Variants in PDE10A observed in about 807,000 individuals in gnomAD.
The protein encoded by PDE10A is phosphodiesterase 10A.
In PDE10A, 39 loss-of-function variants were observed where a neutral mutation model predicts 97.7. That is an observed-to-expected ratio of 0.40 (90% CI 0.31 to 0.52). PDE10A has a LOEUF of 0.52. Among genes scored for constraint, PDE10A ranks in the 20% least tolerant of loss-of-function variants. The pLI is 0.56. For synonymous variants in PDE10A, 371 were observed against 376.8 expected (o/e 0.98, Z 0.18); for missense variants, 731 against 1,047.8 (o/e 0.70, Z 4.17).
intron 1 of PDE10A, among the ~76,000 whole-genome samples, chr6:165,788,973 G>C (rs1778574507): frequency 6.6e-6 from 1 of 152,128 alleles, no homozygotes; most frequent in Non-Finnish European, 1.5e-5. Context: ...TGGTGGAAAA[G>C]GCAATGATGG....
At position 165,418,851 on chromosome 6, in the gene PDE10A, A is replaced by G; in HGVS notation, c.1654-74T>C. ...ACTTGCAGGTAAACTTTATCATAAA[A>G]TAAGTATTAATTTCAGCTGTCCTAT... On this transcript the variant is annotated intron_variant, in intron 10 of 21. Coordinates refer to ENST00000539869, the MANE Select transcript of PDE10A (RefSeq NM_001385079.1). This position sits in a 1 kb window ranked among gnomAD's most constrained non-coding sequence, Gnocchi z 4.8. The G allele has an allele frequency of 8.1e-7, 1 of 1,240,704 alleles. No individual in the cohort carries two copies. The highest frequency in any genetic ancestry group is 1.3e-5 in the South Asian group (1 of 79,392). 76.9% of individuals were successfully genotyped at this position (1,240,704 alleles called of 1,614,324 possible). A position where few individuals can be genotyped will look rare whatever the true frequency, so the allele number is the denominator to read the frequency against.
chr6:165,784,900 G>A (rs1043305228), intron 1 of PDE10A, among the ~76,000 whole-genome samples: 3 of 152,224 alleles, frequency 2.0e-5, no homozygotes, highest in African/African-American at 7.2e-5. Flanking sequence ...AGACTTTTCA[G>A]TACTGAGAGA....
intron 1 of PDE10A, among the ~76,000 whole-genome samples, chr6:165,733,222 A>G (rs930171297): frequency 6.6e-6 from 1 of 152,214 alleles, no homozygotes; most frequent in African/African-American, 2.4e-5. Flanking sequence ...AGATACAACA[A>G]ATAATCCAAC....
At position 165,336,001 on chromosome 6, in the gene PDE10A, CACA is replaced by C. The variant is rs573385973; in HGVS notation, c.3065+119_3065+121del. 318 of 803,808 alleles carry C rather than the reference CACA, an allele frequency of 4.0e-4. 2 individuals carry two copies. The highest frequency in any genetic ancestry group is 1.7e-3 in the South Asian group (119 of 68,202). 49.8% of individuals were successfully genotyped at this position (803,808 alleles called of 1,614,324 possible). A position where few individuals can be genotyped will look rare whatever the true frequency, so the allele number is the denominator to read the frequency against. On this transcript the variant is annotated intron_variant, in intron 21 of 21. Transcript: ENST00000539869. ...GGTAAGGAGGCCCCGAGTCCCTGAG[CACA>C]ACAACTCGACATCTAGACAAACACA...
chr6:165,643,489 G>A (rs750335801), intron 1 of PDE10A, among the ~76,000 whole-genome samples: 5 of 152,108 alleles, frequency 3.3e-5, no homozygotes, highest in Non-Finnish European at 7.4e-5. Context: ...ACATGCTGGG[G>A]CAATGAGCCA....
intron 2 of PDE10A, among the ~76,000 whole-genome samples, chr6:165,514,010 T>C (rs1017260521): frequency 1.3e-5 from 2 of 152,192 alleles, no homozygotes; most frequent in Non-Finnish European, 2.9e-5. Context: ...ATTGCTCAAG[T>C]TAACAACTGT....
At chr6:165,684,950 G>A (rs558449785) in intron 1 of PDE10A, among the ~76,000 whole-genome samples, 77 of 152,284 alleles carry the variant, frequency 5.1e-4, no homozygotes, top group South Asian at 1.2e-3. Flanking sequence ...CTTCCTTAAA[G>A]TTATATGAAT....
At chr6:165,511,561 T>C (rs905949921) in intron 2 of PDE10A, among the ~76,000 whole-genome samples, 1 of 151,992 alleles carries the variant, frequency 6.6e-6, no homozygotes, top group Non-Finnish European at 1.5e-5. Flanking sequence ...ACACAATGTT[T>C]ATTTGGTGAT....
At chr6:165,856,288 A>G (rs1780729798) in intron 1 of PDE10A, among the ~76,000 whole-genome samples, 1 of 152,192 alleles carries the variant, frequency 6.6e-6, no homozygotes, top group South Asian at 2.1e-4. Flanking sequence ...GCCCTCATCT[A>G]GATAATGCCT....
At chr6:165,455,831 C>T (rs1777921028) in intron 3 of PDE10A, among the ~76,000 whole-genome samples, 1 of 152,126 alleles carries the variant, frequency 6.6e-6, no homozygotes, top group Admixed American at 6.5e-5. Context: ...CTTTTTATTG[C>T]TAAAATGTAA....
chr6:165,815,299 G>A (rs1779379880), intron 1 of PDE10A, among the ~76,000 whole-genome samples: 1 of 152,150 alleles, frequency 6.6e-6, no homozygotes, highest in African/African-American at 2.4e-5. Context: ...TTTTCTTCTT[G>A]AGGGGCAGGC....
intron 1 of PDE10A, chr6:165,894,371 C>T: frequency 2.2e-6 from 1 of 456,118 alleles, no homozygotes; most frequent in Non-Finnish European, 4.4e-6. Flanking sequence ...AAGGCCTCGA[C>T]AGGCCAGAAC....
intron 1 of PDE10A, among the ~76,000 whole-genome samples, chr6:165,804,633 C>G (rs1460771732): frequency 1.3e-5 from 2 of 152,146 alleles, no homozygotes; most frequent in African/African-American, 4.8e-5. Flanking sequence ...GCCCTGGAAA[C>G]CCGGGGGCCT....
chr6:165,794,522 G>A (rs144262085), intron 1 of PDE10A, among the ~76,000 whole-genome samples: 25 of 148,690 alleles, frequency 1.7e-4, no homozygotes, highest in African/African-American at 4.7e-4. Flanking sequence ...TCATACACTC[G>A]CACACCCTCA....
chr6:165,933,110 G>T (rs1038643883), intron 1 of PDE10A, among the ~76,000 whole-genome samples: 1 of 152,166 alleles, frequency 6.6e-6, no homozygotes, highest in African/African-American at 2.4e-5. Flanking sequence ...CACACAGGAG[G>T]CAGCAAGTCT....
intron 1 of PDE10A, among the ~76,000 whole-genome samples, chr6:165,732,089 T>C (rs1339002212): frequency 6.6e-6 from 1 of 152,194 alleles, no homozygotes; most frequent in Admixed American, 6.5e-5. Context: ...TGTTTTCTCT[T>C]TTGCCATGAC....
chr6:165,728,960 G>A (rs934525687), intron 1 of PDE10A, among the ~76,000 whole-genome samples: 3 of 152,158 alleles, frequency 2.0e-5, no homozygotes, highest in African/African-American at 7.2e-5. Flanking sequence ...AGAAATAGGA[G>A]GCCATGGAGG....
intron 1 of PDE10A, among the ~76,000 whole-genome samples, chr6:165,878,714 G>A (rs186149144): frequency 5.3e-5 from 8 of 152,284 alleles, no homozygotes; most frequent in East Asian, 3.9e-4. Context: ...GTCCTGAGAC[G>A]GCGAGATGAT....
At chr6:165,822,559 A>T (rs1162388226) in intron 1 of PDE10A, among the ~76,000 whole-genome samples, 1 of 152,286 alleles carries the variant, frequency 6.6e-6, no homozygotes, top group Admixed American at 6.5e-5. Context: ...GTTGTAACAC[A>T]ATGGTATTTG....
Sources: gnomAD v4.1 joint callset for allele counts (sites outside exome capture counted in the v4.1 genomes callset) on GRCh38, gnomAD v4.1.1 for gene constraint, Gnocchi (gnomAD v3.1) non-coding constraint, MANE v1.5 for transcripts, NCBI Gene and HGNC (gene_info 2026-07-23, HGNC 2026-07-21) for gene names.